RAB10: variants seen among roughly 807,000 people sequenced by gnomAD.
RAB10 encodes the protein RAB10, member RAS oncogene family, also known as ras-related protein Rab-10.
RAB10 carries 5 observed loss-of-function variants against 25.7 expected under a neutral mutation model. The observed-to-expected ratio is 0.19, with a 90% CI of 0.10 to 0.41. RAB10 has a LOEUF of 0.41. Among genes scored for constraint, RAB10 ranks in the 10% least tolerant of loss-of-function variants. The pLI, the probability that RAB10 is intolerant of heterozygous loss-of-function variation, is 1.00. For synonymous variants in RAB10, 89 were observed against 86.4 expected (o/e 1.03, Z -0.16); for missense variants, 103 against 245.8 (o/e 0.42, Z 3.89).
At chr2:26,094,131 C>T (rs1337183248) in intron 1 of RAB10, among the ~76,000 whole-genome samples, 2 of 152,064 alleles carry the variant, frequency 1.3e-5, no homozygotes, top group East Asian at 1.9e-4. Context: ...TCAAGCAGTC[C>T]TCTTACCTTG....
At chr2:26,095,235 G>T (rs897655269) in intron 1 of RAB10, among the ~76,000 whole-genome samples, 2 of 152,034 alleles carry the variant, frequency 1.3e-5, no homozygotes, top group African/African-American at 4.8e-5. Flanking sequence ...CTGGGTTTCA[G>T]GCAAAGAATT....
chr2:26,133,376 C>T (rs1341316134), intron 5 of RAB10, among the ~76,000 whole-genome samples: 1 of 151,896 alleles, frequency 6.6e-6, no homozygotes, highest in East Asian at 1.9e-4. Context: ...AACTATGGTT[C>T]CATGTATATG....
chr2:26,065,515 C>T (rs2149268691), intron 1 of RAB10, among the ~76,000 whole-genome samples: 1 of 151,660 alleles, frequency 6.6e-6, no homozygotes, highest in African/African-American at 2.4e-5. Flanking sequence ...TTTTGTGGCA[C>T]TTCAGTTTAT....
At chr2:26,053,842 C>T (rs1666188486) in intron 1 of RAB10, among the ~76,000 whole-genome samples, 1 of 151,876 alleles carries the variant, frequency 6.6e-6, no homozygotes, top group South Asian at 2.1e-4. Context: ...GCCTCAGCCT[C>T]CTGAGTAGCT....
At chr2:26,045,778 TG>T (rs1335102387) in intron 1 of RAB10, among the ~76,000 whole-genome samples, 13 of 152,318 alleles carry the variant, frequency 8.5e-5, no homozygotes, top group Non-Finnish European at 1.8e-4. Flanking sequence ...CTTGCTGTGT[TG>T]CCCAGACTGG....
chr2:26,085,003 G>A (rs183258862), intron 1 of RAB10, among the ~76,000 whole-genome samples: 1 of 152,120 alleles, frequency 6.6e-6, no homozygotes, highest in Non-Finnish European at 1.5e-5. Flanking sequence ...TAGTCTCTTA[G>A]TTGTAGTTGG....
intron 3 of RAB10, among the ~76,000 whole-genome samples, chr2:26,117,601 C>A (rs1318673397): frequency 7.9e-6 from 1 of 126,226 alleles, no homozygotes; most frequent in Non-Finnish European, 1.6e-5. Context: ...GACTGGGCGA[C>A]AGAGCGAGAC....
At chr2:26,082,645 GGC>G (rs1272695660) in intron 1 of RAB10, among the ~76,000 whole-genome samples, 1 of 152,034 alleles carries the variant, frequency 6.6e-6, no homozygotes, top group East Asian at 1.9e-4. Flanking sequence ...AGAAACCTCA[GGC>G]CCAAATGGCT....
At chr2:26,075,102 A>G (rs1381379436) in intron 1 of RAB10, among the ~76,000 whole-genome samples, 1 of 152,196 alleles carries the variant, frequency 6.6e-6, no homozygotes. Flanking sequence ...GAGCAGCTAG[A>G]TGGAGTATTA....
intron 1 of RAB10, among the ~76,000 whole-genome samples, chr2:26,079,380 T>A (rs1666816519): frequency 6.6e-6 from 1 of 151,070 alleles, no homozygotes; most frequent in Non-Finnish European, 1.5e-5. Context: ...GGATTAAACA[T>A]TTAAGTAAAA....
At chr2:26,038,869 G>A (rs1398952958) in intron 1 of RAB10, among the ~76,000 whole-genome samples, 1 of 148,420 alleles carries the variant, frequency 6.7e-6, no homozygotes, top group African/African-American at 2.5e-5. Context: ...AGCTTGCAGT[G>A]AGCCGAGGTC....
At position 26,135,256 on chromosome 2, in the gene RAB10, T is replaced by C. The variant is rs1459591768; in HGVS notation, c.*235T>C. On this transcript the variant is annotated 3_prime_UTR_variant, in exon 6 of 6. Transcript: ENST00000264710. Reference sequence around the variant, plus strand: ...ATGTCTGTGAGTTCATTTTTAAATGTACTTGCTCAGCTCAACTGCATTTCA... The same window carrying C: ...ATGTCTGTGAGTTCATTTTTAAATGCACTTGCTCAGCTCAACTGCATTTCA... 1.1e-5 allele frequency: 5 copies of C among 441,124 alleles called. No individual in the cohort carries two copies. Among genetic ancestry groups the C allele is most frequent in the Non-Finnish European group, 1.2e-5 (3 of 247,678 alleles). 27.3% of individuals were successfully genotyped at this position (441,124 alleles called of 1,614,324 possible).
chr2:26,101,036 G>T (rs1254977711), intron 2 of RAB10, among the ~76,000 whole-genome samples: 1 of 152,042 alleles, frequency 6.6e-6, no homozygotes, highest in East Asian at 1.9e-4. Context: ...TGATCAGGGA[G>T]GTCCTCTCTA....
At chr2:26,097,880 A>G (rs947685849) in intron 1 of RAB10, among the ~76,000 whole-genome samples, 7 of 152,100 alleles carry the variant, frequency 4.6e-5, no homozygotes, top group African/African-American at 1.7e-4. Context: ...CATGCTAAAC[A>G]TTTGTATTTT....
At chr2:26,054,269 G>A (rs1231580639) in intron 1 of RAB10, among the ~76,000 whole-genome samples, 1 of 151,778 alleles carries the variant, frequency 6.6e-6, no homozygotes, top group African/African-American at 2.4e-5. Context: ...GACCAGGCTG[G>A]TCTCAAACTC....
chr2:26,112,340 C>T (rs1667591175), intron 3 of RAB10, among the ~76,000 whole-genome samples: 1 of 152,084 alleles, frequency 6.6e-6, no homozygotes, highest in African/African-American at 2.4e-5. Flanking sequence ...TGGTTGGTTC[C>T]TCTGGAGACC....
chr2:26,115,477 C>G (rs1035995282), intron 3 of RAB10, among the ~76,000 whole-genome samples: 2 of 152,130 alleles, frequency 1.3e-5, no homozygotes, highest in African/African-American at 4.8e-5. Context: ...TGAAAGAAGC[C>G]AGACATAAAA....
At chr2:26,090,566 C>T (rs1667080394) in intron 1 of RAB10, among the ~76,000 whole-genome samples, 1 of 150,034 alleles carries the variant, frequency 6.7e-6, no homozygotes. Context: ...TGTTAGATGT[C>T]AGACCTCTTG....
chr2:26,100,974 TA>T (rs35722710), intron 2 of RAB10, among the ~76,000 whole-genome samples: 7,878 of 151,700 alleles, frequency 0.052, 253 homozygotes, highest in Middle Eastern at 0.076. Flanking sequence ...GTGAATAGGG[TA>T]AAGTGTTGGA....
Sources: allele counts gnomAD v4.1 joint callset (sites outside exome capture counted in the v4.1 genomes callset), GRCh38; gene constraint gnomAD v4.1.1; transcripts MANE v1.5; gene names NCBI Gene and HGNC (gene_info 2026-07-23, HGNC 2026-07-21).